The following DYNC2I2 variants were observed in gnomAD, a reference collection of about 807,000 sequenced individuals.
DYNC2I2 encodes cytoplasmic dynein 2 intermediate chain 2.
A neutral mutation model predicts 52.0 loss-of-function variants in DYNC2I2; 39 were observed. That is an observed-to-expected ratio of 0.75 (90% CI 0.58 to 0.98). DYNC2I2 has a LOEUF of 0.98. DYNC2I2 is among the 50% of genes least tolerant of loss of function. The pLI is 0.00. For missense variants in DYNC2I2, 743 were observed against 728.4 expected, an observed-to-expected ratio of 1.02 and a Z score of -0.23; for synonymous variants, 359 against 321.1, an observed-to-expected ratio of 1.12 and a Z score of -1.26.
At chr9:128,647,751 A>T (rs9299322) in intron 1 of DYNC2I2, among the ~76,000 whole-genome samples, 17,565 of 136,158 alleles carry the variant, frequency 0.13, 1,980 homozygotes, top group African/African-American at 0.29. Context: ...AAAAAAAAAA[A>T]GCGTTCAGGG....
the DYNC2I2 span, among the ~76,000 whole-genome samples, chr9:128,668,153 G>A: frequency 6.6e-6 from 1 of 151,912 alleles, no homozygotes; most frequent in Non-Finnish European, 1.5e-5. Context: ...TAGAGACGGG[G>A]TTTCATCATG....
Position 128,633,714 on chromosome 9 carries a change from C to G in DYNC2I2, c.*30G>C. On this transcript the variant is annotated 3_prime_UTR_variant, in exon 9 of 9. Coordinates refer to ENST00000372715, the MANE Select transcript of DYNC2I2 (RefSeq NM_052844.4). ...GTCAGAAACACAAGGCTCGGCACAG[C>G]GAAGGCTTGCACCCGCCTCCCGGGA... The G allele has an allele frequency of 6.3e-7, 1 of 1,596,094 alleles. No individual in the cohort carries two copies. The highest frequency in any genetic ancestry group is 8.5e-7 in the Non-Finnish European group (1 of 1,171,288).
chr9:128,667,700 G>T, the DYNC2I2 span, among the ~76,000 whole-genome samples: 2 of 151,462 alleles, frequency 1.3e-5, no homozygotes, highest in Non-Finnish European at 1.5e-5. Flanking sequence ...TTCACGAGTT[G>T]CTGGGATTAC....
chr9:128,664,507 C>G, the DYNC2I2 span, among the ~76,000 whole-genome samples: 1 of 149,580 alleles, frequency 6.7e-6, no homozygotes, highest in African/African-American at 2.5e-5. Flanking sequence ...TTTTTTTAGA[C>G]AGAGTCTTGC....
intron 1 of DYNC2I2, among the ~76,000 whole-genome samples, chr9:128,653,931 A>C (rs1860768262): frequency 6.6e-6 from 1 of 152,182 alleles, no homozygotes; most frequent in African/African-American, 2.4e-5. Flanking sequence ...GAATGGCGTG[A>C]ACCCAGGAGA....
Position 128,636,304 on chromosome 9 carries a change from G to C in DYNC2I2, c.680C>G (p.Pro227Arg). The C allele has an allele frequency of 6.3e-7, 1 of 1,582,762 alleles. No individual in the cohort carries two copies. The highest frequency in any genetic ancestry group is 2.3e-5 in the East Asian group (1 of 43,206). Residue 227 changes from proline (P) to arginine (R), a missense_variant, in exon 4 of 9, where the codon CCC becomes CGC. Coordinates refer to ENST00000372715, the MANE Select transcript of DYNC2I2 (RefSeq NM_052844.4). Reference protein sequence around the residue: ...PSAVLCLAFHPTQPSHVAGGL... With the variant: ...PSAVLCLAFHRTQPSHVAGGL... ...ACCTGCGACGTGGGAGGGCTGCGTG[G>C]GGTGGAAGGCCAGACACAGGACAGC...
At chr9:128,640,656 G>C (rs774671542) in intron 2 of DYNC2I2, 35 bp downstream of exon 2, 4 of 1,596,462 alleles carry the variant, frequency 2.5e-6, no homozygotes, top group African/African-American at 1.3e-5. Context: ...GTGGGGCAGG[G>C]GCTCGACCCG....
chr9:128,644,195 G>A (rs1461032551), intron 1 of DYNC2I2, among the ~76,000 whole-genome samples: 1 of 151,610 alleles, frequency 6.6e-6, no homozygotes, highest in African/African-American at 2.4e-5. Context: ...TCATATTAAT[G>A]TTGGCACTGA....
the DYNC2I2 span, among the ~76,000 whole-genome samples, chr9:128,664,352 G>A: frequency 2.6e-5 from 4 of 152,036 alleles, no homozygotes; most frequent in Non-Finnish European, 4.4e-5. Flanking sequence ...ACCTTATTTT[G>A]TGTATTTTGT....
At chr9:128,634,182 CA>C in intron 8 of DYNC2I2, 43 bp downstream of exon 8, 1 of 1,609,374 alleles carries the variant, frequency 6.2e-7, no homozygotes, top group Non-Finnish European at 8.5e-7. Context: ...GGGCCCAGAC[CA>C]CCCACCCCTT....
chr9:128,640,824 G>GACGGGGGCTGCACGCTGACAGGC lies in DYNC2I2; in HGVS notation c.279_301dup (p.Ser101CysfsTer31), dbSNP rs777949331. On this transcript the variant is annotated frameshift_variant, in exon 2 of 9. Transcript: ENST00000372715. LOFTEE classifies it high-confidence loss of function. ...TGCGAGCCTGGGTATGTCATACTGGGACGGGGGCTGCACGCTGACAGGCAC... is the reference window on the plus strand; with the variant it reads ...TGCGAGCCTGGGTATGTCATACTGGGACGGGGGCTGCACGCTGACAGGCACGGGGGCTGCACGCTGACAGGCAC... 2.5e-6 allele frequency: 4 copies of GACGGGGGCTGCACGCTGACAGGC among 1,614,106 alleles called. No homozygotes were observed. The highest frequency in any genetic ancestry group is 3.4e-6 in the Non-Finnish European group (4 of 1,180,020).
the DYNC2I2 span, among the ~76,000 whole-genome samples, chr9:128,672,417 C>T: frequency 6.6e-6 from 1 of 151,394 alleles, no homozygotes; most frequent in Non-Finnish European, 1.5e-5. Flanking sequence ...TAGTCTCAAA[C>T]TCCTGACCTC....
chr9:128,676,723 C>T, the DYNC2I2 span, among the ~76,000 whole-genome samples: 1 of 151,564 alleles, frequency 6.6e-6, no homozygotes, highest in Non-Finnish European at 1.5e-5. Flanking sequence ...AGTAGAGACA[C>T]GGTTTTGCCA....
chr9:128,656,787 C>A lies in DYNC2I2; in HGVS notation c.-61G>T. On this transcript the variant is annotated 5_prime_UTR_variant, in exon 1 of 9. The change abolishes an upstream ATG in the 5' untranslated region. Coordinates refer to ENST00000372715, the MANE Select transcript of DYNC2I2 (RefSeq NM_052844.4). ...GGCGCGACCTCCGCCCCTACGCCGC[C>A]ATGAGCGGAAAACGGGGAATGTGAG... 1 of 1,308,822 alleles carries A rather than the reference C, an allele frequency of 7.6e-7. No individual in the cohort carries two copies. The highest frequency in any genetic ancestry group is 9.7e-7 in the Non-Finnish European group (1 of 1,026,642). The allele number at this position is 1,308,822 out of a possible 1,614,324, so 81.1% of individuals were successfully genotyped here.
At chr9:128,658,517 A>T (rs1329460901), upstream of DYNC2I2, among the ~76,000 whole-genome samples, 2 of 151,230 alleles carry the variant, frequency 1.3e-5, no homozygotes, top group Non-Finnish European at 3.0e-5. Flanking sequence ...GCTGGCGTGC[A>T]GTGGCACTAT....
chr9:128,640,313 G>A (rs1165712432), intron 2 of DYNC2I2, among the ~76,000 whole-genome samples: 1 of 152,144 alleles, frequency 6.6e-6, no homozygotes, highest in Admixed American at 6.6e-5. Flanking sequence ...CCTGGCCAAG[G>A]AGACATTCTT....
chr9:128,665,584 A>G, the DYNC2I2 span, among the ~76,000 whole-genome samples: 1 of 151,892 alleles, frequency 6.6e-6, no homozygotes, highest in African/African-American at 2.4e-5. Context: ...AACCTGACCA[A>G]TATGGTGAAA....
intron 2 of DYNC2I2, among the ~76,000 whole-genome samples, chr9:128,638,223 A>T (rs1430828731): frequency 6.7e-6 from 1 of 149,922 alleles, no homozygotes; most frequent in Non-Finnish European, 1.5e-5. Flanking sequence ...CCTGTCTCAA[A>T]AAAAAAAAAA....
At chr9:128,655,015 T>C (rs1860789435) in intron 1 of DYNC2I2, among the ~76,000 whole-genome samples, 1 of 152,032 alleles carries the variant, frequency 6.6e-6, no homozygotes, top group Non-Finnish European at 1.5e-5. Flanking sequence ...TCTTCTTCTC[T>C]GATGAGTCCC....
Sources: gnomAD v4.1 joint callset for allele counts (sites outside exome capture counted in the v4.1 genomes callset) on GRCh38, gnomAD v4.1.1 for gene constraint, MANE v1.5 for transcripts, NCBI Gene and HGNC (gene_info 2026-07-23, HGNC 2026-07-21) for gene names.